CNTNAP4: variants seen among roughly 807,000 people sequenced by gnomAD.
The protein encoded by CNTNAP4 is contactin-associated protein-like 4.
A neutral mutation model predicts 148.4 loss-of-function variants in CNTNAP4; 98 were observed. The ratio of observed to expected loss-of-function variants is 0.66; its 90% CI spans 0.56 to 0.78. CNTNAP4 has a LOEUF of 0.78. CNTNAP4 is among the 30% of genes least tolerant of loss of function. The pLI is 0.00. For synonymous variants in CNTNAP4, 730 were observed against 565.1 expected (o/e 1.29, Z -4.14); for missense variants, 1,935 against 1,565.6 (o/e 1.24, Z -3.98).
chr16:76,334,921 A>G (rs529837623), intron 2 of CNTNAP4, among the ~76,000 whole-genome samples: 85 of 152,190 alleles, frequency 5.6e-4, no homozygotes, highest in African/African-American at 2.0e-3. Flanking sequence ...TGTAGGAGCC[A>G]TCAAGGCTAA....
intron 4 of CNTNAP4, 103 bp from the exon 5 acceptor site, chr16:76,447,909 T>A (rs2080309021): frequency 1.3e-6 from 1 of 744,846 alleles, no homozygotes; most frequent in Non-Finnish European, 2.3e-6. Flanking sequence ...TATGCATGTG[T>A]ATGAGTACGT....
rs151082999 is a variant in CNTNAP4, at chr16:76,532,854, A to C, written c.2756-2691A>C. ...GAAGAATAGGGAGGTGTGAAGATAA[A>C]GAAGTAGCAGCTCTGGTAAGGAAGA... On this transcript the variant is annotated intron_variant, in intron 17 of 23. Coordinates refer to ENST00000611870, the MANE Select transcript of CNTNAP4 (RefSeq NM_033401.5). 4.7e-3 allele frequency among the ~76,000 whole-genome samples: 710 copies of C among 152,290 alleles called. 4 individuals are homozygous for C. Among genetic ancestry groups the C allele is most frequent in the African/African-American group, 0.017 (691 of 41,576 alleles).
At chr16:76,550,578 C>G (rs983494723) in intron 21 of CNTNAP4, among the ~76,000 whole-genome samples, 2 of 151,528 alleles carry the variant, frequency 1.3e-5, no homozygotes, top group African/African-American at 4.9e-5. Context: ...ACATTTTAAC[C>G]TTGTAGAAGA....
intron 2 of CNTNAP4, among the ~76,000 whole-genome samples, chr16:76,341,430 G>A (rs962675584): frequency 1.3e-5 from 2 of 152,178 alleles, no homozygotes; most frequent in Non-Finnish European, 2.9e-5. Context: ...TAGGGACAAA[G>A]CCAAGGAAAG....
intron 1 of CNTNAP4, chr16:76,287,703 G>T (rs1958944483): frequency 6.6e-6 from 1 of 152,222 alleles, no homozygotes. Flanking sequence ...GAGATGGCTG[G>T]TAAGGCAGCT....
chr16:76,324,855 G>C (rs138681315), intron 2 of CNTNAP4, among the ~76,000 whole-genome samples: 1 of 151,996 alleles, frequency 6.6e-6, no homozygotes, highest in Non-Finnish European at 1.5e-5. Flanking sequence ...GCCCACCCTC[G>C]TGACAATGTA....
At position 76,437,687 on chromosome 16, in the gene CNTNAP4, A is replaced by G. The variant is rs538090353; in HGVS notation, c.538+10088A>G. 7.2e-5 allele frequency among the ~76,000 whole-genome samples: 11 copies of G among 152,272 alleles called. No individual in the cohort carries two copies. In the East Asian group the frequency reaches 2.1e-3, roughly 29 times the overall value. On this transcript the variant is annotated intron_variant, in intron 4 of 23. Transcript: ENST00000611870. ...TGAACGAATAGAGGAAACACGAACC[A>G]TATCTTAATTTTCCTATGTAACTTG...
At position 76,432,327 on chromosome 16, in the gene CNTNAP4, T is replaced by C. The variant is rs547113547; in HGVS notation, c.538+4728T>C. Among the ~76,000 whole-genome samples the C allele has an allele frequency of 2.4e-4, 37 of 152,294 alleles. 1 individual carries two copies. The South Asian group carries it at 7.1e-3, about 29-fold the overall frequency. On this transcript the variant is annotated intron_variant, in intron 4 of 23. Transcript: ENST00000611870. Reference sequence around the variant, plus strand: ...AACAAGTTAGGGCAGTAACTTGTTATGAAGGAACATCAAGTGAATGGAAAA... The same window carrying C: ...AACAAGTTAGGGCAGTAACTTGTTACGAAGGAACATCAAGTGAATGGAAAA...
intron 1 of CNTNAP4, among the ~76,000 whole-genome samples, chr16:76,311,678 G>T (rs8044479): frequency 6.6e-6 from 1 of 151,952 alleles, no homozygotes; most frequent in Non-Finnish European, 1.5e-5. Context: ...TGAGAGTGAT[G>T]TTCATTTCTT....
chr16:76,352,055 A>C (rs563081725), intron 2 of CNTNAP4, among the ~76,000 whole-genome samples: 1 of 152,346 alleles, frequency 6.6e-6, no homozygotes, highest in East Asian at 1.9e-4. Context: ...TAGCTGACAC[A>C]GATGCAATTC....
chr16:76,545,794 T>C (rs1568592584), intron 21 of CNTNAP4, among the ~76,000 whole-genome samples: 5 of 152,100 alleles, frequency 3.3e-5, no homozygotes, highest in Admixed American at 2.6e-4. Context: ...TCCTAGCACT[T>C]TGGGAGGCCG....
At chr16:76,527,320 C>G (rs577203259) in intron 17 of CNTNAP4, among the ~76,000 whole-genome samples, 3 of 152,116 alleles carry the variant, frequency 2.0e-5, no homozygotes, top group African/African-American at 2.4e-5. Flanking sequence ...AAGTCTTGCT[C>G]TATTCTCAGA....
intron 9 of CNTNAP4, among the ~76,000 whole-genome samples, chr16:76,465,661 G>A (rs780591225): frequency 6.6e-6 from 1 of 152,056 alleles, no homozygotes; most frequent in Non-Finnish European, 1.5e-5. Flanking sequence ...TTCTTAATTG[G>A]CTAATAAGTC....
chr16:76,399,790 A>G (rs1342202496), intron 3 of CNTNAP4, among the ~76,000 whole-genome samples: 2 of 152,324 alleles, frequency 1.3e-5, no homozygotes, highest in African/African-American at 2.4e-5. Flanking sequence ...GCTTAACTGA[A>G]TAATTTATAA....
At chr16:76,405,438 C>T (rs778187681) in intron 3 of CNTNAP4, among the ~76,000 whole-genome samples, 20 of 152,130 alleles carry the variant, frequency 1.3e-4, no homozygotes, top group Non-Finnish European at 2.6e-4. Context: ...TCATGTATAA[C>T]CTTTGATACC....
chr16:76,292,713 T>G (rs2143844837), intron 1 of CNTNAP4, among the ~76,000 whole-genome samples: 1 of 152,346 alleles, frequency 6.6e-6, no homozygotes, highest in Non-Finnish European at 1.5e-5. Context: ...AAATATTTTT[T>G]TTTCTGTCTT....
At chr16:76,345,605 G>A (rs1486336078) in intron 2 of CNTNAP4, among the ~76,000 whole-genome samples, 1 of 152,098 alleles carries the variant, frequency 6.6e-6, no homozygotes, top group Admixed American at 6.6e-5. Flanking sequence ...GGCCATCTGT[G>A]TTTGCTAATT....
intron 2 of CNTNAP4, among the ~76,000 whole-genome samples, chr16:76,317,261 AAAAC>A (rs1486590358): frequency 7.5e-6 from 1 of 132,994 alleles, no homozygotes; most frequent in African/African-American, 2.9e-5. Flanking sequence ...TCAAAAAAAA[AAAAC>A]AAAAAAAAAA....
chr16:76,473,704 G>A (rs1326711412), intron 10 of CNTNAP4, among the ~76,000 whole-genome samples: 1 of 152,092 alleles, frequency 6.6e-6, no homozygotes, highest in African/African-American at 2.4e-5. Context: ...AACCTGGGAG[G>A]CGGAGCTTGC....
Sources: gnomAD v4.1 joint callset for allele counts (sites outside exome capture counted in the v4.1 genomes callset) on GRCh38, gnomAD v4.1.1 for gene constraint, MANE v1.5 for transcripts, NCBI Gene and HGNC (gene_info 2026-07-23, HGNC 2026-07-21) for gene names.